GSDME: variants seen among roughly 807,000 people sequenced by gnomAD.
GSDME encodes the protein gasdermin E, also known as gasdermin-E.
Under a neutral mutation model 47.5 loss-of-function variants are expected in GSDME, and 44 were observed. That is an observed-to-expected ratio of 0.93 (90% confidence interval 0.73 to 1.19). The LOEUF (loss-of-function observed/expected upper bound fraction) is 1.19. Among genes scored for constraint, GSDME ranks in the 50% most tolerant of loss-of-function variants. The pLI is 0.00. For synonymous variants in GSDME, 258 were observed against 252.8 expected (o/e 1.02, Z -0.20); for missense variants, 663 against 604.2 (o/e 1.10, Z -1.02).
rs1788746265 is a variant in GSDME at position 24,698,993 on chromosome 7, C to G, written c.*33G>C. The G allele has an allele frequency of 6.9e-7, 1 of 1,447,508 alleles. No homozygotes were observed. The highest frequency in any genetic ancestry group is 9.7e-7 in the Non-Finnish European group (1 of 1,032,512). The allele number at this position is 1,447,508 out of a possible 1,614,324, so 89.7% of individuals were successfully genotyped here. A position where few individuals can be genotyped will look rare whatever the true frequency, so the allele number is the denominator to read the frequency against. On this transcript the variant is annotated 3_prime_UTR_variant, in exon 10 of 10. Transcript: ENST00000645220. ...TAACAGTTCTGAAAAATAGCCTTGG[C>G]CAGTAACACGTACTTCTAGTTCACA...
chr7:24,782,977 A>G, the GSDME span, among the ~76,000 whole-genome samples: 1 of 152,260 alleles, frequency 6.6e-6, no homozygotes, highest in Admixed American at 6.5e-5. Flanking sequence ...AATAGAGGGA[A>G]GAATAGCTTT....
At chr7:24,730,810 T>A (rs1790119051) in intron 3 of GSDME, among the ~76,000 whole-genome samples, 3 of 151,898 alleles carry the variant, frequency 2.0e-5, no homozygotes, top group Admixed American at 2.0e-4. Context: ...AGAGTGAGAC[T>A]CCGTCTCAAA....
chr7:24,779,144 A>G, the GSDME span, among the ~76,000 whole-genome samples: 1 of 152,218 alleles, frequency 6.6e-6, no homozygotes, highest in Admixed American at 6.5e-5. This position sits in a 1 kb window ranked among gnomAD's most constrained non-coding sequence, Gnocchi z 6.0. Context: ...CTTTCCTAAA[A>G]TAACTGAAAG....
At chr7:24,792,352 G>A in the GSDME span, among the ~76,000 whole-genome samples, 2 of 152,262 alleles carry the variant, frequency 1.3e-5, no homozygotes, top group South Asian at 4.2e-4. Flanking sequence ...ATATTGGGGG[G>A]CAAGACTCCT....
chr7:24,783,531 G>A, the GSDME span, among the ~76,000 whole-genome samples: 42 of 152,320 alleles, frequency 2.8e-4, 1 homozygote, highest in South Asian at 8.1e-3. Context: ...GGCCAAGCTT[G>A]TGACTGCAGT....
chr7:24,717,350 C>G lies in GSDME; in HGVS notation c.601G>C (p.Val201Leu), dbSNP rs1276051906. 1.2e-6 allele frequency: 2 copies of G among 1,614,052 alleles called. No individual in the cohort carries two copies. The highest frequency in any genetic ancestry group is 1.3e-5 in the African/African-American group (1 of 74,906). Residue 201 changes from valine to leucine, a missense_variant, in exon 5 of 10, where the codon GTC (valine) becomes CTC (leucine). Physicochemically the swap from Val to Leu is conservative, Grantham distance 32. Transcript: ENST00000645220. ...AGCACCACGTTGGAGTCCTTGGTGACATTCCCATCCTCCGTCGCTGACACC... is the reference window on the plus strand; with the variant it reads ...AGCACCACGTTGGAGTCCTTGGTGAGATTCCCATCCTCCGTCGCTGACACC... ...VQVSATEDGNVTKDSNVVLEI... is the reference protein window; with the variant it reads ...VQVSATEDGNLTKDSNVVLEI...
intron 8 of GSDME, 92 bp downstream of exon 8, chr7:24,706,092 A>T: frequency 6.8e-7 from 1 of 1,474,038 alleles, no homozygotes; most frequent in Non-Finnish European, 9.4e-7. Context: ...TATCTTCCAC[A>T]GTTACCACCT....
At chr7:24,764,960 C>T in the GSDME span, among the ~76,000 whole-genome samples, 1 of 152,146 alleles carries the variant, frequency 6.6e-6, no homozygotes, top group Non-Finnish European at 1.5e-5. This position sits in a 1 kb window ranked among gnomAD's most constrained non-coding sequence, Gnocchi z 4.4. Context: ...GAGTGACGTG[C>T]TGAAAAAGCT....
chr7:24,787,408 G>C, the GSDME span, among the ~76,000 whole-genome samples: 3 of 152,304 alleles, frequency 2.0e-5, no homozygotes, highest in East Asian at 5.8e-4. The surrounding 1 kb of genome is among the most constrained non-coding windows in gnomAD (Gnocchi z 5.0). Flanking sequence ...TGGTGTCCCA[G>C]CTATGTGCTG....
intron 5 of GSDME, among the ~76,000 whole-genome samples, chr7:24,715,197 A>G (rs1252064278): frequency 6.6e-6 from 1 of 152,170 alleles, no homozygotes; most frequent in African/African-American, 2.4e-5. Context: ...GGTGGTTGCC[A>G]GGTGCTGGGA....
the GSDME span, among the ~76,000 whole-genome samples, chr7:24,774,139 G>A: frequency 2.6e-5 from 4 of 152,224 alleles, no homozygotes; most frequent in Admixed American, 6.5e-5. Flanking sequence ...CTCCATCATG[G>A]CTGCTCCAAA....
At chr7:24,699,410 T>G (rs1788770504) in intron 9 of GSDME, 151 bp from the exon 10 acceptor site, 4 of 681,260 alleles carry the variant, frequency 5.9e-6, no homozygotes, top group South Asian at 1.6e-5. Flanking sequence ...TGGCGTGATC[T>G]CGGCTCACTG....
the GSDME span, among the ~76,000 whole-genome samples, chr7:24,766,855 T>C: frequency 6.6e-6 from 1 of 152,202 alleles, no homozygotes; most frequent in East Asian, 1.9e-4. This position sits in a 1 kb window ranked among gnomAD's most constrained non-coding sequence, Gnocchi z 4.2. Context: ...TATTTCTAGT[T>C]CTAGATCCTT....
chr7:24,760,514 G>T (rs1791151207), upstream of GSDME, among the ~76,000 whole-genome samples: 1 of 152,190 alleles, frequency 6.6e-6, no homozygotes, highest in Non-Finnish European at 1.5e-5. The surrounding 1 kb of genome is among the most constrained non-coding windows in gnomAD (Gnocchi z 4.2). Flanking sequence ...ACATTGTCAT[G>T]AGATTATATA....
In GSDME at chr7:24,710,600, TG is replaced by T. The variant is rs146099986; in HGVS notation, c.698-213del. On this transcript the variant is annotated intron_variant, in intron 5 of 9. Transcript: ENST00000645220. Reference sequence around the variant, plus strand: ...CACTTCCAACAAATAAGGAAATGGCTGTTCTTACATAAAGCTCCCTAATATA... The same window carrying T: ...CACTTCCAACAAATAAGGAAATGGCTTTCTTACATAAAGCTCCCTAATATA... The T allele has an allele frequency of 0.14, 82,269 of 580,666 alleles. 6,333 individuals carry two copies. Among genetic ancestry groups the T allele is most frequent in the Admixed American group, 0.21 (6,928 of 33,580 alleles). The allele number at this position is 580,666 out of a possible 1,614,324, so 36.0% of individuals were successfully genotyped here.
intron 9 of GSDME, among the ~76,000 whole-genome samples, chr7:24,700,486 C>T (rs1037013508): frequency 1.3e-5 from 2 of 152,062 alleles, no homozygotes; most frequent in African/African-American, 4.8e-5. Flanking sequence ...GAAAGTTTGC[C>T]TGAATTTTAA....
rs1790420418 is a variant in GSDME, at chr7:24,739,538, T to C, written c.404+5024A>G. On this transcript the variant is annotated intron_variant, in intron 3 of 9. Coordinates refer to ENST00000645220, the MANE Select transcript of GSDME (RefSeq NM_001127453.2). The surrounding 1 kb of genome is among the most constrained non-coding windows in gnomAD (Gnocchi z 5.1). ...CTGTACACTGTTGGTGGGAATGTAA[T>C]GCAAATTACTACACTATGAAGAACA... Among the ~76,000 whole-genome samples the C allele has an allele frequency of 6.6e-6, 1 of 152,102 alleles. No homozygotes were observed. The highest frequency in any genetic ancestry group is 6.5e-5 in the Admixed American group (1 of 15,276).
chr7:24,704,315 G>C (rs1195592494), intron 8 of GSDME: 1 of 152,230 alleles, frequency 6.6e-6, no homozygotes, highest in Non-Finnish European at 1.5e-5. Context: ...AATAGTGGAG[G>C]AAGCTTCCCA....
chr7:24,747,211 C>T (rs941104038), intron 2 of GSDME, among the ~76,000 whole-genome samples: 28 of 152,236 alleles, frequency 1.8e-4, no homozygotes, highest in Admixed American at 8.5e-4. Context: ...TTTCACCGTT[C>T]GATAGAAGTT....
Sources: allele counts gnomAD v4.1 joint callset (sites outside exome capture counted in the v4.1 genomes callset), GRCh38; gene constraint gnomAD v4.1.1; non-coding constraint Gnocchi (gnomAD v3.1); transcripts MANE v1.5; gene names NCBI Gene and HGNC (gene_info 2026-07-23, HGNC 2026-07-21).